Variants in MAN2C1 observed in about 807,000 individuals in gnomAD.
The protein encoded by MAN2C1 is mannosidase alpha class 2C member 1, also known as alpha-mannosidase 2C1.
A neutral mutation model predicts 126.9 loss-of-function variants in MAN2C1; 111 were observed. That is an observed-to-expected ratio of 0.87 (90% CI 0.75 to 1.02). The LOEUF is 1.02. Among genes scored for constraint, MAN2C1 ranks in the 50% least tolerant of loss-of-function variants. MAN2C1 has a pLI of 0.00. For missense variants in MAN2C1, 1,363 were observed against 1,364.4 expected (o/e 1.00, Z 0.02); for synonymous variants, 567 against 561.5 (o/e 1.01, Z -0.14).
chr15:75,364,550 C>T lies in MAN2C1; in HGVS notation c.538G>A (p.Val180Met), dbSNP rs1319901236. 1.8e-5 allele frequency: 29 copies of T among 1,610,240 alleles called. No homozygotes were observed. The highest frequency in any genetic ancestry group is 2.4e-5 in the Non-Finnish European group (28 of 1,178,218). Residue 180 changes from valine (V) to methionine (M), a missense_variant, in exon 5 of 26, where the codon GTG becomes ATG. Coordinates refer to ENST00000267978, the MANE Select transcript of MAN2C1 (RefSeq NM_006715.4). ...AGCATGTGGACATCCCGGTGGAACA[C>T]AGCTAGCTCAGCCCGGCTCAGCTGG... is the stretch of plus-strand genomic sequence containing the variant. ...MFQLSRAELA[V>M]FHRDVHMLLV... is the part of the protein sequence containing the mutation.
rs971636421 is a variant in MAN2C1 at position 75,360,451 on chromosome 15, T to C, written c.1584+114A>G. 6 of 1,467,294 alleles carry C rather than the reference T, an allele frequency of 4.1e-6. No homozygotes were observed. In the African/African-American group the frequency reaches 7.1e-5, roughly 17 times the overall value. The allele number at this position is 1,467,294 out of a possible 1,614,324, so 90.9% of individuals were successfully genotyped here. A position where few individuals can be genotyped will look rare whatever the true frequency, so the allele number is the denominator to read the frequency against. On this transcript the variant is annotated intron_variant, in intron 13 of 25. Transcript: ENST00000267978. ...CAACCCAGGTCTTGAACTTCTCTCCTCCAAACTTCTCTTCCCCTAGATCTG... is the reference window on the plus strand; with the variant it reads ...CAACCCAGGTCTTGAACTTCTCTCCCCCAAACTTCTCTTCCCCTAGATCTG...
chr15:75,366,030 T>G (rs1394282035), intron 4 of MAN2C1: 1 of 377,602 alleles, frequency 2.6e-6, no homozygotes, highest in Non-Finnish European at 5.2e-6. Context: ...GAAGGTACAG[T>G]GAGCTGCGAT....
At chr15:75,357,189 G>C in intron 21 of MAN2C1, 1 of 362,724 alleles carries the variant, frequency 2.8e-6, no homozygotes, top group Middle Eastern at 8.3e-4. Context: ...TGTCACCCAG[G>C]CTGGAGTGCA....
At position 75,359,109 on chromosome 15, in the gene MAN2C1, C is replaced by T; in HGVS notation, c.2091G>A (p.Lys697=). Residue 697 remains lysine, a synonymous_variant, in exon 18 of 26, where the codon AAG becomes AAA. Coordinates refer to ENST00000267978, the MANE Select transcript of MAN2C1 (RefSeq NM_006715.4). ...VTLDNGIIRV[K]LDPTGRLTSL... ...ACGTCAGGCGACCAGTTGGGTCCAGCTTCACTCGGATGATGCCATTGTCCA... is the reference window on the plus strand; with the variant it reads ...ACGTCAGGCGACCAGTTGGGTCCAGTTTCACTCGGATGATGCCATTGTCCA... 6.2e-7 allele frequency: 1 copy of T among 1,614,034 alleles called. No homozygotes were observed. Among genetic ancestry groups the T allele is most frequent in the African/African-American group, 1.3e-5 (1 of 75,054 alleles).
Position 75,361,140 on chromosome 15 carries a change from C to T in MAN2C1, c.1366G>A (p.Ala456Thr). ...CCATCCCCAAAGCCAAAGAGGAAGG[C>T]ACTGTGGTTGGCCCGCCCCTTGTCC... ...NRDKGRANHS[A>T]FLFGFGDGGG... The change falls in exon 12 of 26, where the codon GCC becomes ACC. Residue 456 changes from alanine (A) to threonine (T), a missense_variant. Ala to Thr is a moderately conservative substitution (Grantham distance 58, BLOSUM62 0). Transcript: ENST00000267978. This position sits in a 1 kb window ranked among gnomAD's most constrained non-coding sequence, Gnocchi z 5.0. 6.2e-7 allele frequency: 1 copy of T among 1,613,464 alleles called. No individual in the cohort carries two copies. The highest frequency in any genetic ancestry group is 1.1e-5 in the South Asian group (1 of 90,828).
chr15:75,358,364 T>C lies in MAN2C1; in HGVS notation c.2404-20A>G. The C allele has an allele frequency of 6.2e-7, 1 of 1,613,560 alleles. No homozygotes were observed. Among genetic ancestry groups the C allele is most frequent in the East Asian group, 2.2e-5 (1 of 44,868 alleles). On this transcript the variant is annotated intron_variant, in intron 20 of 25. Transcript: ENST00000267978. ...GTGTACCTGGGAGTGGGAAGGAGGGTGGGAGTCAGGGAAGGAAGAGACACA... is the reference window on the plus strand; with the variant it reads ...GTGTACCTGGGAGTGGGAAGGAGGGCGGGAGTCAGGGAAGGAAGAGACACA...
At chr15:75,367,444 A>G (rs929126931) in intron 3 of MAN2C1, 67 bp downstream of exon 3, 2 of 1,575,472 alleles carry the variant, frequency 1.3e-6, no homozygotes, top group African/African-American at 2.7e-5. Flanking sequence ...GAGTCCACAG[A>G]AGAAGGGCTG....
At chr15:75,364,401 C>A (rs1484880399) in intron 5 of MAN2C1, 87 bp downstream of exon 5, 3 of 1,413,386 alleles carry the variant, frequency 2.1e-6, no homozygotes, top group Middle Eastern at 1.9e-4. Flanking sequence ...CTCTGGATTC[C>A]CAGAGTCCCA....
rs2038457334 is a variant in MAN2C1, at chr15:75,367,585, C to T, written c.277G>A (p.Val93Met). ...CAGCAAAGGTGAACTTCCTGGCCCA[C>T]CCATGCCTCTGGGATGGTCAGCTCC... ...RVELTIPEAW[V>M]GQEVHLCWES... Residue 93 changes from valine (V) to methionine (M), a missense_variant, in exon 3 of 26, where the codon GTG becomes ATG. Physicochemically the swap from Val to Met is conservative, Grantham distance 21. Around this residue, in one of 3 missense-constraint regions of MAN2C1, gnomAD observed 628 missense variants for 609.8 expected, o/e 1.03. Coordinates refer to ENST00000267978, the MANE Select transcript of MAN2C1 (RefSeq NM_006715.4). 6 of 1,614,102 alleles carry T rather than the reference C, an allele frequency of 3.7e-6. No individual in the cohort carries two copies. Among genetic ancestry groups the T allele is most frequent in the African/African-American group, 2.7e-5 (2 of 74,928 alleles).
intron 4 of MAN2C1, chr15:75,365,596 G>A (rs965169106): frequency 1.7e-5 from 3 of 181,684 alleles, no homozygotes; most frequent in Middle Eastern, 5.7e-4. Context: ...CATGGTGGTG[G>A]GCACCTGTAA....
chr15:75,356,034 TGGAGAACA>T lies in MAN2C1; in HGVS notation c.2997-10_2997-3del, dbSNP rs1358143846. On this transcript the variant is annotated splice_polypyrimidine_tract_variant and splice_region_variant and intron_variant, in intron 25 of 25. Transcript: ENST00000267978. This position sits in a 1 kb window ranked among gnomAD's most constrained non-coding sequence, Gnocchi z 5.8. Reference sequence around the variant, plus strand: ...TCTGGTCGCTCCAAGAGATCGCAGCTGGAGAACAGGAGGGGCCATGAAGGCTCTGCGAG... The same window carrying T: ...TCTGGTCGCTCCAAGAGATCGCAGCTGGAGGGGCCATGAAGGCTCTGCGAG... 1.9e-6 allele frequency: 3 copies of T among 1,613,732 alleles called. No homozygotes were observed. The highest frequency in any genetic ancestry group is 2.5e-6 in the Non-Finnish European group (3 of 1,179,888).
Position 75,356,984 on chromosome 15 carries a change from C to T in MAN2C1, c.2548-82G>A, listed in dbSNP as rs561014273. 7.9e-6 allele frequency: 9 copies of T among 1,143,482 alleles called. No homozygotes were observed. In the South Asian group the frequency reaches 9.2e-5, roughly 12 times the overall value. 70.8% of individuals were successfully genotyped at this position (1,143,482 alleles called of 1,614,324 possible). The stretch of plus-strand genomic sequence containing the variant: ...GACTCCAGAGCTCCTGTCACTAGGC[C>T]GAGCACAAGCTCTAGAACCACACAA... On this transcript the variant is annotated intron_variant, in intron 21 of 25. Coordinates refer to ENST00000267978, the MANE Select transcript of MAN2C1 (RefSeq NM_006715.4). This position sits in a 1 kb window ranked among gnomAD's most constrained non-coding sequence, Gnocchi z 5.8.
intron 3 of MAN2C1, among the ~76,000 whole-genome samples, chr15:75,367,145 A>C (rs1235612817): frequency 6.6e-6 from 1 of 151,964 alleles, no homozygotes; most frequent in Non-Finnish European, 1.5e-5. Flanking sequence ...TCTGTTTCTT[A>C]ATTTGTAAAT....
At chr15:75,367,777 G>C in intron 2 of MAN2C1, 143 bp from the exon 3 acceptor site, 1 of 1,094,222 alleles carries the variant, frequency 9.1e-7, no homozygotes, top group Non-Finnish European at 1.3e-6. Flanking sequence ...CAAGAAAGGA[G>C]CAACAAGGTG....
At chr15:75,367,843 G>T in intron 2 of MAN2C1, 1 of 848,932 alleles carries the variant, frequency 1.2e-6, no homozygotes, top group Non-Finnish European at 1.8e-6. Context: ...TCCCTAGGGT[G>T]CCCTTCCTAA....
At position 75,368,101 on chromosome 15, in the gene MAN2C1, C is replaced by A. The variant is rs371985026; in HGVS notation, c.199G>T (p.Ala67Ser). 8.1e-6 allele frequency: 13 copies of A among 1,607,460 alleles called. No individual in the cohort carries two copies. Among genetic ancestry groups the A allele is most frequent in the Middle Eastern group, 1.7e-4 (1 of 5,836 alleles). ...QEAVQRDFRP[A>S]QVGDSFGPTW... Reference sequence around the variant, plus strand: ...GGTCCGAAGCTGTCGCCGACCTGCGCGGGGCGGAAGTCCCGCTGGACTGCC... The same window carrying A: ...GGTCCGAAGCTGTCGCCGACCTGCGAGGGGCGGAAGTCCCGCTGGACTGCC... The change falls in exon 2 of 26, where the codon GCG becomes TCG. Residue 67 changes from alanine (A) to serine (S), a missense_variant. By Grantham distance (99) the Ala-to-Ser change is moderately conservative. This residue lies in a region of MAN2C1 where 628 missense variants were observed against 609.8 expected (regional missense o/e 1.03). Transcript: ENST00000267978.
intron 2 of MAN2C1, 80 bp downstream of exon 2, chr15:75,367,993 G>A (rs893835150): frequency 6.7e-7 from 1 of 1,494,066 alleles, no homozygotes; most frequent in Non-Finnish European, 8.9e-7. Flanking sequence ...GCAGAGGGCA[G>A]ACAACGAAGG....
rs1381667292 is a variant in MAN2C1, at chr15:75,356,302, T to G, written c.2885A>C (p.Gln962Pro). ...TCCCCAGCACGTCCCACCCCTTGCC[T>G]GCTTGACGGTCTCCAATACGACCGC... ...SPAVVLETVK[Q>P]AESSPQRRSL... The change falls in exon 24 of 26, where the codon CAG becomes CCG. Residue 962 changes from glutamine to proline, a missense_variant and splice_region_variant. This residue lies in a region of MAN2C1 where 668 missense variants were observed against 650.1 expected (regional missense o/e 1.03). Coordinates refer to ENST00000267978, the MANE Select transcript of MAN2C1 (RefSeq NM_006715.4). The surrounding 1 kb of genome is among the most constrained non-coding windows in gnomAD (Gnocchi z 5.8). The G allele has an allele frequency of 1.2e-6, 2 of 1,610,450 alleles. No homozygotes were observed. Among genetic ancestry groups the G allele is most frequent in the Non-Finnish European group, 1.7e-6 (2 of 1,179,018 alleles).
intron 21 of MAN2C1, chr15:75,357,946 C>G: frequency 2.3e-6 from 1 of 431,940 alleles, no homozygotes; most frequent in South Asian, 2.4e-5. Context: ...GTAGAGATGG[C>G]GTTTCACCAT....
Sources: allele counts gnomAD v4.1 joint callset (sites outside exome capture counted in the v4.1 genomes callset), GRCh38; gene constraint gnomAD v4.1.1; regional missense constraint gnomAD v4.1.1; non-coding constraint Gnocchi (gnomAD v3.1); transcripts MANE v1.5; gene names NCBI Gene and HGNC (gene_info 2026-07-23, HGNC 2026-07-21).